HS6ST3: variants seen among roughly 807,000 people sequenced by gnomAD.
HS6ST3 encodes heparan sulfate 6-O-sulfotransferase 3, also known as heparan-sulfate 6-O-sulfotransferase 3.
HS6ST3 carries 12 observed loss-of-function variants against 36.7 expected under a neutral mutation model. The observed-to-expected ratio is 0.33, with a 90% CI of 0.21 to 0.53. The LOEUF is 0.53. Ranked by LOEUF, HS6ST3 falls within the 20% of genes least tolerant of loss-of-function variation. The pLI, the probability that HS6ST3 is intolerant of heterozygous loss-of-function variation, is 0.95. For missense variants in HS6ST3, 584 were observed against 640.9 expected (o/e 0.91, Z 0.96); for synonymous variants, 240 against 257.5 (o/e 0.93, Z 0.65).
At chr13:96,469,737 G>A (rs1037417015) in intron 1 of HS6ST3, among the ~76,000 whole-genome samples, 1 of 151,968 alleles carries the variant, frequency 6.6e-6, no homozygotes, top group African/African-American at 2.4e-5. Context: ...GGTGATGGTG[G>A]TGATGGCGGT....
intron 1 of HS6ST3, among the ~76,000 whole-genome samples, chr13:96,131,174 A>C (rs374636063): frequency 6.6e-6 from 1 of 152,212 alleles, no homozygotes; most frequent in African/African-American, 2.4e-5. Context: ...TGGAAGGTCA[A>C]ATCTTCACAT....
intron 1 of HS6ST3, among the ~76,000 whole-genome samples, chr13:96,804,083 C>T (rs930051677): frequency 2.6e-5 from 4 of 151,448 alleles, no homozygotes; most frequent in Non-Finnish European, 5.9e-5. Flanking sequence ...TAAACTTGTA[C>T]ACCAAGGCAG....
At position 96,437,757 on chromosome 13, in the gene HS6ST3, G is replaced by A. The variant is rs114532155; in HGVS notation, c.707+346188G>A. Among the ~76,000 whole-genome samples, 468 of 152,276 alleles carry A rather than the reference G, an allele frequency of 3.1e-3. 3 individuals carry two copies. The highest frequency in any genetic ancestry group is 0.011 in the African/African-American group (444 of 41,566). On this transcript the variant is annotated intron_variant, in intron 1 of 1. Coordinates refer to ENST00000376705, the MANE Select transcript of HS6ST3 (RefSeq NM_153456.4). The stretch of plus-strand genomic sequence containing the variant: ...CCTTGCTGTAGTCAGTTCATAACAT[G>A]CTAGGGAAAACAGAACTGCTATTGA...
intron 1 of HS6ST3, among the ~76,000 whole-genome samples, chr13:96,334,782 G>C (rs1460021514): frequency 2.0e-5 from 3 of 152,182 alleles, no homozygotes; most frequent in Admixed American, 2.0e-4. Context: ...CAACACTTGA[G>C]AATTATGGGA....
intron 1 of HS6ST3, among the ~76,000 whole-genome samples, chr13:96,417,654 A>G (rs2055540717): frequency 6.7e-6 from 1 of 149,562 alleles, no homozygotes; most frequent in Non-Finnish European, 1.5e-5. Flanking sequence ...ATATACATGT[A>G]TATATGTAAA....
intron 1 of HS6ST3, among the ~76,000 whole-genome samples, chr13:96,387,248 A>G (rs1379287389): frequency 6.6e-6 from 1 of 152,254 alleles, no homozygotes; most frequent in African/African-American, 2.4e-5. Context: ...GTCTAAGACC[A>G]TAATGGGTTT....
intron 1 of HS6ST3, among the ~76,000 whole-genome samples, chr13:96,560,078 T>G (rs1047947272): frequency 4.6e-5 from 7 of 152,222 alleles, no homozygotes; most frequent in Non-Finnish European, 1.5e-5. Flanking sequence ...AGGCCTATAG[T>G]TGGCAACAAC....
chr13:96,183,361 A>G (rs1385516288), intron 1 of HS6ST3, among the ~76,000 whole-genome samples: 1 of 152,122 alleles, frequency 6.6e-6, no homozygotes, highest in South Asian at 2.1e-4. Context: ...GGTGGAAGAA[A>G]GTTTGGGATG....
At chr13:96,338,879 C>T (rs1315882509) in intron 1 of HS6ST3, among the ~76,000 whole-genome samples, 1 of 152,116 alleles carries the variant, frequency 6.6e-6, no homozygotes, top group Admixed American at 6.5e-5. Flanking sequence ...CTGAAATTCT[C>T]TTTCAAAAAA....
Position 96,838,402 on chromosome 13 carries a change from G to A in HS6ST3, c.*5204G>A, listed in dbSNP as rs2138555996. 6.6e-6 allele frequency: 1 copy of A among 152,302 alleles called. No homozygotes were observed. The highest frequency in any genetic ancestry group is 2.4e-5 in the African/African-American group (1 of 41,568). The allele number at this position is 152,302 out of a possible 1,614,324, so 9.4% of individuals were successfully genotyped here. A position where few individuals can be genotyped will look rare whatever the true frequency, so the allele number is the denominator to read the frequency against. ...TCAGATCAAAGAGAAAGCTGGGTTG[G>A]ACTTACACAAGAATACCCTGATCTG... is the stretch of plus-strand genomic sequence containing the variant. On this transcript the variant is annotated 3_prime_UTR_variant, in exon 2 of 2. Coordinates refer to ENST00000376705, the MANE Select transcript of HS6ST3 (RefSeq NM_153456.4).
At chr13:96,101,913 G>A (rs1380559167) in intron 1 of HS6ST3, among the ~76,000 whole-genome samples, 8 of 152,170 alleles carry the variant, frequency 5.3e-5, no homozygotes, top group Non-Finnish European at 1.5e-5. Flanking sequence ...AGTCATCAAT[G>A]GCCTGTAAAC....
chr13:96,164,081 A>G (rs985816628), intron 1 of HS6ST3, among the ~76,000 whole-genome samples: 2 of 152,108 alleles, frequency 1.3e-5, no homozygotes, highest in African/African-American at 4.8e-5. Flanking sequence ...CTTGTTCCCT[A>G]TCTTGGGGGA....
intron 1 of HS6ST3, among the ~76,000 whole-genome samples, chr13:96,187,362 G>A (rs551149090): frequency 3.3e-5 from 5 of 152,306 alleles, no homozygotes; most frequent in Middle Eastern, 3.4e-3. Context: ...GGTGCCATGC[G>A]TCCTGCCTAT....
chr13:96,352,786 A>G (rs568508226), intron 1 of HS6ST3, among the ~76,000 whole-genome samples: 1 of 152,354 alleles, frequency 6.6e-6, no homozygotes, highest in South Asian at 2.1e-4. Flanking sequence ...AACATTTATT[A>G]AACACGTAGT....
intron 1 of HS6ST3, among the ~76,000 whole-genome samples, chr13:96,245,658 G>C (rs1266570046): frequency 1.3e-5 from 2 of 152,098 alleles, no homozygotes; most frequent in Non-Finnish European, 2.9e-5. Context: ...TTATCCATTA[G>C]GTACCCTCTG....
At chr13:96,371,489 A>C (rs189533612) in intron 1 of HS6ST3, among the ~76,000 whole-genome samples, 1 of 152,120 alleles carries the variant, frequency 6.6e-6, no homozygotes, top group African/African-American at 2.4e-5. Context: ...CCTACTTAAG[A>C]TCTCTCTTAG....
intron 1 of HS6ST3, among the ~76,000 whole-genome samples, chr13:96,457,797 A>C (rs993045638): frequency 2.6e-5 from 4 of 152,210 alleles, no homozygotes; most frequent in African/African-American, 4.8e-5. Context: ...AGAAGATTTA[A>C]AATATTTTAC....
At chr13:96,746,735 C>G (rs1323674333) in intron 1 of HS6ST3, among the ~76,000 whole-genome samples, 1 of 152,022 alleles carries the variant, frequency 6.6e-6, no homozygotes, top group Non-Finnish European at 1.5e-5. Flanking sequence ...ATTTTTACAT[C>G]AAGATATCCC....
intron 1 of HS6ST3, among the ~76,000 whole-genome samples, chr13:96,734,463 ATAGAT>A (rs1240639849): frequency 6.6e-6 from 1 of 152,226 alleles, no homozygotes; most frequent in Non-Finnish European, 1.5e-5. Flanking sequence ...TGCAGTTCTT[ATAGAT>A]TAAAGTAACT....
Sources: gnomAD v4.1 joint callset for allele counts (sites outside exome capture counted in the v4.1 genomes callset) on GRCh38, gnomAD v4.1.1 for gene constraint, MANE v1.5 for transcripts, NCBI Gene and HGNC (gene_info 2026-07-23, HGNC 2026-07-21) for gene names.